TFPI: variants seen among roughly 807,000 people sequenced by gnomAD.
TFPI encodes the protein tissue factor pathway inhibitor.
In TFPI, 15 loss-of-function variants were observed where a neutral mutation model predicts 34.6. The observed-to-expected ratio is 0.43, with a 90% CI of 0.29 to 0.67. The LOEUF (loss-of-function observed/expected upper bound fraction) is 0.67. TFPI is among the 30% of genes least tolerant of loss of function. The probability of loss-of-function intolerance (pLI) is 0.15; values close to 1 mark genes in which losing one functional copy is unlikely to be tolerated. For synonymous variants in TFPI, 105 were observed against 120.1 expected (o/e 0.87, Z 0.82); for missense variants, 301 against 364.0 (o/e 0.83, Z 1.41).
intron 3 of TFPI, among the ~76,000 whole-genome samples, chr2:187,494,206 A>G (rs1394883802): frequency 2.0e-5 from 3 of 151,186 alleles, no homozygotes; most frequent in South Asian, 2.1e-4. Flanking sequence ...CCATGATTCA[A>G]TCATTTCCCA....
At chr2:187,473,486 G>T (rs1006777937) in intron 6 of TFPI, among the ~76,000 whole-genome samples, 1 of 152,020 alleles carries the variant, frequency 6.6e-6, no homozygotes, top group East Asian at 1.9e-4. Flanking sequence ...GCATAATGTG[G>T]ATATGGCCAG....
At position 187,466,986 on chromosome 2, in the gene TFPI, T is replaced by G. The variant is rs1353674858; in HGVS notation, c.865A>C (p.Lys289Gln). Residue 289 changes from lysine (K) to glutamine (Q), a missense_variant, in exon 8 of 8, where the codon AAG (lysine) becomes CAG (glutamine). Lys to Gln is a moderately conservative substitution (Grantham distance 53, BLOSUM62 1). Transcript: ENST00000233156. ...TCATATGCTATTTTCACTCTCTGCTTCTTTCTTTTTCTTTTGGTTTTAATT... is the reference window on the plus strand; with the variant it reads ...TCATATGCTATTTTCACTCTCTGCTGCTTTCTTTTTCTTTTGGTTTTAATT... ...GLIKTKRKRKKQRVKIAYEEI... is the reference protein window; with the variant it reads ...GLIKTKRKRKQQRVKIAYEEI... 1.9e-6 allele frequency: 3 copies of G among 1,590,788 alleles called. No homozygotes were observed. Among genetic ancestry groups the G allele is most frequent in the Middle Eastern group, 1.7e-4 (1 of 5,968 alleles).
At chr2:187,502,450 C>T (rs932374974) in intron 2 of TFPI, among the ~76,000 whole-genome samples, 3 of 152,030 alleles carry the variant, frequency 2.0e-5, no homozygotes, top group Non-Finnish European at 4.4e-5. Flanking sequence ...TCTGTAACCT[C>T]CAGAATGTTA....
chr2:187,525,951 T>A (rs1456512157), intron 1 of TFPI, among the ~76,000 whole-genome samples: 1 of 152,150 alleles, frequency 6.6e-6, no homozygotes, highest in Non-Finnish European at 1.5e-5. Context: ...GATACTATAT[T>A]TACTTCCTAT....
At chr2:187,533,619 C>T (rs1048719342) in intron 1 of TFPI, among the ~76,000 whole-genome samples, 1 of 152,160 alleles carries the variant, frequency 6.6e-6, no homozygotes, top group Non-Finnish European at 1.5e-5. Flanking sequence ...AAAACCAGCA[C>T]AAAAAGGCTG....
At chr2:187,491,268 GA>G (rs1685107033) in intron 3 of TFPI, among the ~76,000 whole-genome samples, 1 of 151,916 alleles carries the variant, frequency 6.6e-6, no homozygotes, top group Admixed American at 6.6e-5. Context: ...GCATAGTGGT[GA>G]AGTGGATTTT....
intron 1 of TFPI, among the ~76,000 whole-genome samples, chr2:187,529,894 T>C (rs1266490636): frequency 6.6e-6 from 1 of 152,228 alleles, no homozygotes; most frequent in Non-Finnish European, 1.5e-5. Flanking sequence ...GGACTGGTCA[T>C]ATCAATCACA....
chr2:187,523,845 T>G (rs902174818), intron 1 of TFPI, among the ~76,000 whole-genome samples: 4 of 152,090 alleles, frequency 2.6e-5, no homozygotes, highest in African/African-American at 9.7e-5. Context: ...TACAGTCAAT[T>G]TTAGAATATT....
At position 187,468,704 on chromosome 2, in the gene TFPI, C is replaced by T. The variant is rs575167606; in HGVS notation, c.629-772G>A. Among the ~76,000 whole-genome samples the T allele has an allele frequency of 3.3e-5, 5 of 152,120 alleles. No individual in the cohort carries two copies. The South Asian group carries it at 1.0e-3, about 32-fold the overall frequency. On this transcript the variant is annotated intron_variant, in intron 6 of 7. Transcript: ENST00000233156. ...GGGTAATAAAAGGAGCACTCATTTG[C>T]CAAATCAAAAGAGAAATTAGTTTCA...
chr2:187,467,439 A>C (rs1417893568), intron 7 of TFPI, among the ~76,000 whole-genome samples: 1 of 152,118 alleles, frequency 6.6e-6, no homozygotes, highest in South Asian at 2.1e-4. Flanking sequence ...TAAATATGTT[A>C]AAATTTTGTG....
intron 1 of TFPI, among the ~76,000 whole-genome samples, chr2:187,504,087 G>A (rs1273285436): frequency 6.6e-6 from 1 of 152,106 alleles, no homozygotes; most frequent in East Asian, 1.9e-4. Context: ...GGCGAAGTAT[G>A]TATTAAAGTC....
chr2:187,539,251 GATA>G (rs760043009), intron 1 of TFPI, among the ~76,000 whole-genome samples: 4 of 152,098 alleles, frequency 2.6e-5, no homozygotes, highest in Non-Finnish European at 4.4e-5. Context: ...AAGGACCAGT[GATA>G]ATAAAGTTCT....
intron 1 of TFPI, among the ~76,000 whole-genome samples, chr2:187,532,722 G>T (rs1011112601): frequency 2.6e-5 from 4 of 152,140 alleles, no homozygotes; most frequent in Non-Finnish European, 5.9e-5. Context: ...TGGAATGCCA[G>T]TGAGACAGAA....
intron 1 of TFPI, among the ~76,000 whole-genome samples, chr2:187,536,444 A>G (rs1688260675): frequency 6.6e-6 from 1 of 152,202 alleles, no homozygotes; most frequent in Non-Finnish European, 1.5e-5. Context: ...GCAAATCAAT[A>G]AACTTAATCC....
At chr2:187,474,334 A>G (rs900994272) in intron 6 of TFPI, among the ~76,000 whole-genome samples, 1 of 152,124 alleles carries the variant, frequency 6.6e-6, no homozygotes, top group African/African-American at 2.4e-5. Context: ...AAAGGTCAGA[A>G]TGTTTCTGGT....
rs756903411 is a variant in TFPI at position 187,484,152 on chromosome 2, C to T, written c.600G>A (p.Pro200=). Residue 200 remains proline, a synonymous_variant, in exon 6 of 8, where the codon CCG becomes CCA. Transcript: ENST00000233156. ...QLNAVNNSLT[P]QSTKVPSLFE... ...AAAGGCTGGGAACCTTGGTTGATTGCGGAGTCAGGGAGTTATTCACAGCAT... is the reference window on the plus strand; with the variant it reads ...AAAGGCTGGGAACCTTGGTTGATTGTGGAGTCAGGGAGTTATTCACAGCAT... 14 of 1,612,070 alleles carry T rather than the reference C, an allele frequency of 8.7e-6. No individual in the cohort carries two copies. Among genetic ancestry groups the T allele is most frequent in the East Asian group, 4.5e-5 (2 of 44,832 alleles).
intron 6 of TFPI, 90 bp from the exon 7 acceptor site, chr2:187,468,022 G>C: frequency 9.2e-7 from 1 of 1,091,382 alleles, no homozygotes; most frequent in Non-Finnish European, 1.2e-6. Context: ...TAATGTTGTT[G>C]CATGTGTATG....
chr2:187,478,696 T>C (rs770375733), intron 6 of TFPI: 1 of 1,613,330 alleles, frequency 6.2e-7, no homozygotes, highest in Non-Finnish European at 8.5e-7. Flanking sequence ...CATGAAATGC[T>C]ATCCAATCCT....
chr2:187,488,488 T>C lies in TFPI; in HGVS notation c.320-113A>G, dbSNP rs186517772. On this transcript the variant is annotated intron_variant, in intron 3 of 7. Transcript: ENST00000233156. ...TTTATTACCATTAAAATTATTCTTATACAGAATGTCTTAATAAAAATTGAA... is the reference window on the plus strand; with the variant it reads ...TTTATTACCATTAAAATTATTCTTACACAGAATGTCTTAATAAAAATTGAA... 6.5e-4 allele frequency: 374 copies of C among 571,358 alleles called. 3 individuals carry two copies. The East Asian group carries it at 0.012, about 18-fold the overall frequency. The allele number at this position is 571,358 out of a possible 1,614,324, so 35.4% of individuals were successfully genotyped here. A position where few individuals can be genotyped will look rare whatever the true frequency, so the allele number is the denominator to read the frequency against.
Sources: allele counts gnomAD v4.1 joint callset (sites outside exome capture counted in the v4.1 genomes callset), GRCh38; gene constraint gnomAD v4.1.1; transcripts MANE v1.5; gene names NCBI Gene and HGNC (gene_info 2026-07-23, HGNC 2026-07-21).